PIEZO2: variants seen among roughly 807,000 people sequenced by gnomAD.
PIEZO2 encodes piezo-type mechanosensitive ion channel component 2.
A neutral mutation model predicts 337.3 loss-of-function variants in PIEZO2; 172 were observed. That is an observed-to-expected ratio of 0.51 (90% CI 0.45 to 0.58). The LOEUF is 0.58. Ranked by LOEUF, PIEZO2 falls within the 20% of genes least tolerant of loss-of-function variation. PIEZO2 has a pLI of 0.00. For missense variants in PIEZO2, 3,028 were observed against 3,391.3 expected (o/e 0.89, Z 2.66); for synonymous variants, 1,251 against 1,228.5 (o/e 1.02, Z -0.38).
chr18:10,779,151 T>C (rs1446514793), intron 18 of PIEZO2, among the ~76,000 whole-genome samples: 1 of 152,184 alleles, frequency 6.6e-6, no homozygotes, highest in Non-Finnish European at 1.5e-5. Flanking sequence ...CCCTCAGCAA[T>C]CCACAAGTGA....
intron 44 of PIEZO2, among the ~76,000 whole-genome samples, chr18:10,698,439 G>A (rs776700258): frequency 5.7e-4 from 87 of 152,334 alleles, no homozygotes; most frequent in Non-Finnish European, 1.0e-3. Flanking sequence ...GTGATTCCAA[G>A]AGGGGCAGCT....
chr18:10,702,261 A>C, intron 42 of PIEZO2, 90 bp from the exon 43 acceptor site: 1 of 1,251,928 alleles, frequency 8.0e-7, no homozygotes, highest in Non-Finnish European at 1.1e-6. Context: ...ACAATTAAGA[A>C]AGAGACCCGC....
At chr18:10,932,468 G>C (rs145510293) in intron 3 of PIEZO2, among the ~76,000 whole-genome samples, 1 of 152,092 alleles carries the variant, frequency 6.6e-6, no homozygotes, top group Non-Finnish European at 1.5e-5. Context: ...AATATGTATC[G>C]AGTAGCTCCC....
intron 7 of PIEZO2, among the ~76,000 whole-genome samples, chr18:10,812,366 G>A (rs1039804294): frequency 2.0e-5 from 3 of 152,130 alleles, no homozygotes; most frequent in Admixed American, 6.5e-5. Flanking sequence ...ACGGGACACC[G>A]GGGCCTACTT....
intron 39 of PIEZO2, among the ~76,000 whole-genome samples, chr18:10,708,700 G>C (rs547102580): frequency 6.6e-6 from 1 of 152,262 alleles, no homozygotes; most frequent in South Asian, 2.1e-4. Flanking sequence ...GTGGGACTAA[G>C]AAACAGAAAA....
At chr18:10,897,851 A>T (rs544594805) in intron 4 of PIEZO2, among the ~76,000 whole-genome samples, 104 of 152,354 alleles carry the variant, frequency 6.8e-4, no homozygotes, top group Admixed American at 2.3e-3. Flanking sequence ...TAATTTACAT[A>T]TTTCTAAAGT....
At chr18:11,086,644 C>T (rs998535485) in intron 1 of PIEZO2, among the ~76,000 whole-genome samples, 6 of 152,100 alleles carry the variant, frequency 3.9e-5, no homozygotes, top group Non-Finnish European at 8.8e-5. Context: ...TCTGTCAGGA[C>T]TTATTCTGAA....
chr18:11,140,707 C>A (rs1358919118), intron 1 of PIEZO2, among the ~76,000 whole-genome samples: 1 of 152,172 alleles, frequency 6.6e-6, no homozygotes, highest in Non-Finnish European at 1.5e-5. Context: ...ACTGTTATTG[C>A]ATGCTAATAT....
intron 2 of PIEZO2, among the ~76,000 whole-genome samples, chr18:11,044,487 A>G (rs963623253): frequency 2.0e-5 from 3 of 152,212 alleles, no homozygotes; most frequent in African/African-American, 7.2e-5. Context: ...TCAAATACAG[A>G]GAATACTTCA....
chr18:10,869,864 T>C (rs373095682), intron 5 of PIEZO2, among the ~76,000 whole-genome samples: 11 of 152,264 alleles, frequency 7.2e-5, no homozygotes, highest in African/African-American at 2.4e-4. Context: ...CTTTTACCCA[T>C]AAGAATTTTA....
chr18:10,885,162 C>T (rs1022142223), intron 4 of PIEZO2, among the ~76,000 whole-genome samples: 1 of 152,046 alleles, frequency 6.6e-6, no homozygotes, highest in Non-Finnish European at 1.5e-5. Flanking sequence ...TGGTGGCTCA[C>T]GCCTGTAATC....
At chr18:11,142,164 G>A (rs1350082981) in intron 1 of PIEZO2, among the ~76,000 whole-genome samples, 1 of 152,086 alleles carries the variant, frequency 6.6e-6, no homozygotes, top group African/African-American at 2.4e-5. Context: ...TATGCTGCAG[G>A]TGCAATGAAA....
rs755004568 is a variant in PIEZO2, at chr18:10,819,049, G to A, written c.918-11775C>T. ...ACTTTAAACAGTAAATATACACATC[G>A]TCCCCCACCAAAATAATATGGAAAT... On this transcript the variant is annotated intron_variant, in intron 7 of 55. Transcript: ENST00000674853. The surrounding 1 kb of genome is among the most constrained non-coding windows in gnomAD (Gnocchi z 4.3). 2.6e-5 allele frequency among the ~76,000 whole-genome samples: 4 copies of A among 151,976 alleles called. No homozygotes were observed. The highest frequency in any genetic ancestry group is 4.4e-5 in the Non-Finnish European group (3 of 68,012).
At chr18:10,756,351 G>A (rs2143805439) in intron 27 of PIEZO2, among the ~76,000 whole-genome samples, 1 of 150,810 alleles carries the variant, frequency 6.6e-6, no homozygotes, top group African/African-American at 2.4e-5. Flanking sequence ...TAGAAATGGG[G>A]AATAAGAATG....
intron 11 of PIEZO2, among the ~76,000 whole-genome samples, chr18:10,799,329 C>T (rs1182250754): frequency 6.6e-6 from 1 of 152,188 alleles, no homozygotes; most frequent in African/African-American, 2.4e-5. Flanking sequence ...TGGTGACAGG[C>T]AATTGGTCCC....
intron 1 of PIEZO2, among the ~76,000 whole-genome samples, chr18:11,075,660 C>T (rs1598920117): frequency 6.6e-6 from 1 of 152,186 alleles, no homozygotes; most frequent in Non-Finnish European, 1.5e-5. Context: ...CTCCCACCAC[C>T]ATTCAGAAAG....
intron 2 of PIEZO2, among the ~76,000 whole-genome samples, chr18:11,026,663 C>T (rs2145740989): frequency 6.6e-6 from 1 of 152,332 alleles, no homozygotes; most frequent in African/African-American, 2.4e-5. Flanking sequence ...CCTGAATGCT[C>T]CCTCCACTGC....
At chr18:11,123,671 G>A (rs1264030171) in intron 1 of PIEZO2, among the ~76,000 whole-genome samples, 3 of 152,094 alleles carry the variant, frequency 2.0e-5, no homozygotes, top group South Asian at 2.1e-4. Context: ...TTAGCCGGGC[G>A]TGGTGGTGGG....
intron 39 of PIEZO2, among the ~76,000 whole-genome samples, chr18:10,710,418 A>G (rs2035771650): frequency 6.6e-6 from 1 of 152,122 alleles, no homozygotes; most frequent in African/African-American, 2.4e-5. Context: ...ACACACAGCA[A>G]CCCCTCAGAG....
Sources: allele counts gnomAD v4.1 joint callset (sites outside exome capture counted in the v4.1 genomes callset), GRCh38; gene constraint gnomAD v4.1.1; non-coding constraint Gnocchi (gnomAD v3.1); transcripts MANE v1.5; gene names NCBI Gene and HGNC (gene_info 2026-07-23, HGNC 2026-07-21).